PTPRG: variants seen among roughly 807,000 people sequenced by gnomAD.
The protein encoded by PTPRG is receptor-type tyrosine-protein phosphatase gamma.
In PTPRG, 102 loss-of-function variants were observed where a neutral mutation model predicts 165.3. That is an observed-to-expected ratio of 0.62 (90% confidence interval 0.53 to 0.73). The LOEUF is 0.73. PTPRG is among the 30% of genes least tolerant of loss of function. PTPRG has a pLI of 0.00. For missense variants in PTPRG, 1,866 were observed against 1,861.4 expected (o/e 1.00, Z -0.05); for synonymous variants, 675 against 669.5 (o/e 1.01, Z -0.13).
chr3:62,205,298 C>T (rs1700200967), intron 12 of PTPRG, among the ~76,000 whole-genome samples: 1 of 151,912 alleles, frequency 6.6e-6, no homozygotes. Flanking sequence ...AGTGACATTC[C>T]CTCTAGGAAT....
intron 4 of PTPRG, among the ~76,000 whole-genome samples, chr3:62,011,875 T>C (rs2041430248): frequency 6.6e-6 from 1 of 152,196 alleles, no homozygotes; most frequent in Non-Finnish European, 1.5e-5. Flanking sequence ...GGCTGTTTGA[T>C]GGTGTGTCAG....
chr3:61,753,585 GTTTT>G, intron 2 of PTPRG: 16 of 362,786 alleles, frequency 4.4e-5, no homozygotes, highest in Admixed American at 7.1e-5. Context: ...AAATTTGAGG[GTTTT>G]TTTTTTTTTT....
intron 2 of PTPRG, among the ~76,000 whole-genome samples, chr3:61,927,645 C>G (rs1461206718): frequency 6.6e-6 from 1 of 152,148 alleles, no homozygotes; most frequent in Non-Finnish European, 1.5e-5. Flanking sequence ...AAAATGATCC[C>G]TTTTAAGTAG....
intron 2 of PTPRG, among the ~76,000 whole-genome samples, chr3:61,906,317 G>A (rs1302797966): frequency 2.6e-5 from 4 of 151,816 alleles, no homozygotes; most frequent in Admixed American, 6.6e-5. Flanking sequence ...TTAGCCGGGT[G>A]TGATGGTGTG....
chr3:62,203,644 G>C lies in PTPRG; in HGVS notation c.1849G>C (p.Glu617Gln), dbSNP rs1700149985. Residue 617 changes from glutamate to glutamine, a missense_variant, in exon 12 of 30, where the codon GAG becomes CAG. This residue lies in a region of PTPRG where 1,452 missense variants were observed against 1,463.0 expected (regional missense o/e 0.99). Coordinates refer to ENST00000474889, the MANE Select transcript of PTPRG (RefSeq NM_002841.4). This position sits in a 1 kb window ranked among gnomAD's most constrained non-coding sequence, Gnocchi z 6.4. ...EKSGVTHAAE[E>Q]RNQTEPSPTP... is the part of the protein sequence containing the mutation. Reference sequence around the variant, plus strand: ...GAGTGGGGTGACCCACGCTGCCGAGGAGCGGAATCAGACGGAGCCCAGCCC... The same window carrying C: ...GAGTGGGGTGACCCACGCTGCCGAGCAGCGGAATCAGACGGAGCCCAGCCC... 1.3e-6 allele frequency: 2 copies of C among 1,559,642 alleles called. No individual in the cohort carries two copies.
At chr3:62,053,036 C>T (rs1298493180) in intron 4 of PTPRG, among the ~76,000 whole-genome samples, 3 of 152,212 alleles carry the variant, frequency 2.0e-5, no homozygotes, top group South Asian at 2.1e-4. Context: ...CTCTTGAATC[C>T]ATTCGCTTTT....
At chr3:61,680,248 A>C (rs764736499) in intron 1 of PTPRG, among the ~76,000 whole-genome samples, 1 of 152,088 alleles carries the variant, frequency 6.6e-6, no homozygotes, top group Non-Finnish European at 1.5e-5. Flanking sequence ...CTGTCCAGAC[A>C]GTTAATTGTG....
chr3:61,862,944 A>G (rs191482086), intron 2 of PTPRG, among the ~76,000 whole-genome samples: 5 of 149,974 alleles, frequency 3.3e-5, no homozygotes, highest in Non-Finnish European at 7.3e-5. Context: ...TGCCTCAAGT[A>G]TAAAAGCAAA....
chr3:61,589,889 A>G (rs980395786), intron 1 of PTPRG, among the ~76,000 whole-genome samples: 1 of 152,172 alleles, frequency 6.6e-6, no homozygotes, highest in African/African-American at 2.4e-5. Context: ...GTCAGTTACT[A>G]GACTAGATTT....
chr3:62,180,380 G>A lies in PTPRG; in HGVS notation c.1034-11089G>A, dbSNP rs1034140239. Among the ~76,000 whole-genome samples the A allele has an allele frequency of 3.3e-5, 5 of 152,110 alleles. No individual in the cohort carries two copies. In the East Asian group the frequency reaches 7.7e-4, roughly 23 times the overall value. On this transcript the variant is annotated intron_variant, in intron 8 of 29. Transcript: ENST00000474889. Reference sequence around the variant, plus strand: ...CAGTGGGAAGCAGGAGAAAAACATCGTTATGAAAGAAGGACACTGGGCATT... The same window carrying A: ...CAGTGGGAAGCAGGAGAAAAACATCATTATGAAAGAAGGACACTGGGCATT...
chr3:62,188,740 G>C (rs1699726686), intron 8 of PTPRG, among the ~76,000 whole-genome samples: 1 of 152,186 alleles, frequency 6.6e-6, no homozygotes, highest in Admixed American at 6.5e-5. Context: ...TCCCCATACA[G>C]TGTTCATTGC....
At chr3:62,109,961 G>A (rs886573418) in intron 5 of PTPRG, among the ~76,000 whole-genome samples, 2 of 152,088 alleles carry the variant, frequency 1.3e-5, no homozygotes, top group African/African-American at 2.4e-5. Flanking sequence ...CTTTGCCAGA[G>A]GTTCCATGTT....
At chr3:62,105,146 G>C (rs1213543048) in intron 5 of PTPRG, among the ~76,000 whole-genome samples, 1 of 152,166 alleles carries the variant, frequency 6.6e-6, no homozygotes, top group South Asian at 2.1e-4. Flanking sequence ...CATTGCTATA[G>C]CGTGATGTTG....
At chr3:61,810,807 C>T (rs1176778821) in intron 2 of PTPRG, among the ~76,000 whole-genome samples, 1 of 152,072 alleles carries the variant, frequency 6.6e-6, no homozygotes, top group Non-Finnish European at 1.5e-5. Flanking sequence ...AGAATCCAGT[C>T]CTTAAGAAGG....
intron 2 of PTPRG, among the ~76,000 whole-genome samples, chr3:61,798,619 GTTT>G (rs375412571): frequency 3.9e-5 from 5 of 128,132 alleles, no homozygotes; most frequent in South Asian, 2.6e-4. Flanking sequence ...GTTGCTGCTG[GTTT>G]TTTTTTTTTT....
intron 8 of PTPRG, among the ~76,000 whole-genome samples, chr3:62,183,866 T>A (rs960118094): frequency 3.3e-5 from 5 of 152,232 alleles, no homozygotes; most frequent in Admixed American, 6.5e-5. Context: ...TTTTACCTGC[T>A]GGGACAGCTT....
At chr3:62,074,226 G>A (rs947741596) in intron 4 of PTPRG, among the ~76,000 whole-genome samples, 11 of 150,860 alleles carry the variant, frequency 7.3e-5, no homozygotes, top group African/African-American at 2.7e-4. Flanking sequence ...CAGAGAGAGC[G>A]CAAAAGAGGT....
chr3:62,201,153 A>G lies in PTPRG; in HGVS notation c.1328-352A>G, dbSNP rs76122887. 1.6e-4 allele frequency among the ~76,000 whole-genome samples: 24 copies of G among 152,344 alleles called. 1 individual carries two copies. The East Asian group carries it at 4.4e-3, about 28-fold the overall frequency. Reference sequence around the variant, plus strand: ...GGGGAGTGGTTACACAGGTGTTTACATATGTAAAATTCATTCAACTATACA... The same window carrying G: ...GGGGAGTGGTTACACAGGTGTTTACGTATGTAAAATTCATTCAACTATACA... On this transcript the variant is annotated intron_variant, in intron 10 of 29. Transcript: ENST00000474889.
In PTPRG at chr3:61,562,131, C is replaced by T; in HGVS notation, c.-157C>T. On this transcript the variant is annotated 5_prime_UTR_variant, in exon 1 of 30. Transcript: ENST00000474889. ...TTTCCGGGGGGCGCTCGGCGGCTTC[C>T]CGGATTCCAAGGGGACTCGGGCCGC... is the stretch of plus-strand genomic sequence containing the variant. 1.7e-6 allele frequency: 1 copy of T among 601,086 alleles called. No individual in the cohort carries two copies. The highest frequency in any genetic ancestry group is 1.9e-5 in the African/African-American group (1 of 53,048). The allele number at this position is 601,086 out of a possible 1,614,324, so 37.2% of individuals were successfully genotyped here.
Sources: gnomAD v4.1 joint callset for allele counts (sites outside exome capture counted in the v4.1 genomes callset) on GRCh38, gnomAD v4.1.1 for gene constraint, gnomAD v4.1.1 regional missense constraint, Gnocchi (gnomAD v3.1) non-coding constraint, MANE v1.5 for transcripts, NCBI Gene and HGNC (gene_info 2026-07-23, HGNC 2026-07-21) for gene names.